AKAP6: variants seen among roughly 807,000 people sequenced by gnomAD.
The protein encoded by AKAP6 is A-kinase anchor protein 6.
In AKAP6, 58 loss-of-function variants were observed where a neutral mutation model predicts 188.5. That is an observed-to-expected ratio of 0.31 (90% CI 0.25 to 0.38). The LOEUF (loss-of-function observed/expected upper bound fraction) is 0.38, where lower values mean the gene tolerates loss of function less well. AKAP6 is among the 10% of genes least tolerant of loss of function. AKAP6 has a pLI of 1.00. For synonymous variants in AKAP6, 989 were observed against 998.6 expected (o/e 0.99, Z 0.18); for missense variants, 2,710 against 2,740.0 (o/e 0.99, Z 0.24).
chr14:32,808,680 C>CT (rs2034149567), intron 12 of AKAP6, among the ~76,000 whole-genome samples: 2 of 152,026 alleles, frequency 1.3e-5, no homozygotes, highest in East Asian at 3.9e-4. Flanking sequence ...GCAATTCTTC[C>CT]GTTTTTTTTC....
At chr14:32,391,008 A>G (rs1032266948) in intron 1 of AKAP6, among the ~76,000 whole-genome samples, 13 of 152,020 alleles carry the variant, frequency 8.6e-5, no homozygotes, top group African/African-American at 2.4e-4. Context: ...GCAGGAAAAT[A>G]TCTTATTTAG....
intron 2 of AKAP6, among the ~76,000 whole-genome samples, chr14:32,510,446 A>ATG (rs1555335169): frequency 4.4e-5 from 1 of 22,680 alleles, no homozygotes; most frequent in Non-Finnish European, 9.7e-5. Context: ...GTGTATATAT[A>ATG]TATACATATA....
chr14:32,785,563 C>T (rs1451906169), intron 12 of AKAP6, among the ~76,000 whole-genome samples: 2 of 151,982 alleles, frequency 1.3e-5, no homozygotes, highest in South Asian at 2.1e-4. Flanking sequence ...AATCCAAAGA[C>T]GAAAATGAAG....
rs544997334 is a variant in AKAP6, at chr14:32,769,037, A to ATTTTT, written c.3373-4618_3373-4614dup. 9.1e-4 allele frequency among the ~76,000 whole-genome samples: 52 copies of ATTTTT among 56,920 alleles called. 12 individuals carry two copies. Among genetic ancestry groups the ATTTTT allele is most frequent in the East Asian group, 7.9e-3 (10 of 1,262 alleles). The allele number at this position is 56,920 out of a possible 152,430, so 37.3% of individuals were successfully genotyped here. ...ACTAGGGGATGCAGCTGCTCTTTTG[A>ATTTTT]TTTTTTTTTTTTTTTTTTTTTTTTT... is the stretch of plus-strand genomic sequence containing the variant. On this transcript the variant is annotated intron_variant, in intron 11 of 13. Transcript: ENST00000280979.
rs1411875771 is a variant in AKAP6 at position 32,546,214 on chromosome 14, G to C, written c.1561G>C (p.Ala521Pro). ...PKRGTGSGKQ[A>P]KNTKSSAVPN... ...ACGGGGGACTGGTTCAGGCAAACAA[G>C]CTAAAAATACAAAGAGCTCAGCAGT... is the stretch of plus-strand genomic sequence containing the variant. The change falls in exon 4 of 14, where the codon GCT becomes CCT. Residue 521 changes from alanine to proline, a missense_variant. Coordinates refer to ENST00000280979, the MANE Select transcript of AKAP6 (RefSeq NM_004274.5). 4.3e-6 allele frequency: 7 copies of C among 1,614,032 alleles called. No homozygotes were observed. The highest frequency in any genetic ancestry group is 5.1e-6 in the Non-Finnish European group (6 of 1,180,026).
Position 32,778,614 on chromosome 14 carries a change from A to G in AKAP6, c.3588+4721A>G, listed in dbSNP as rs555645084. ...CAGGCTACAATGCTATGGCACAATC[A>G]TGGCTCACTGTAGCCTTGACCTCCT... On this transcript the variant is annotated intron_variant, in intron 12 of 13. Transcript: ENST00000280979. Among the ~76,000 whole-genome samples the G allele has an allele frequency of 1.5e-3, 233 of 152,174 alleles. 1 individual carries two copies. Among genetic ancestry groups the G allele is most frequent in the Admixed American group, 5.2e-3 (79 of 15,292 alleles).
intron 2 of AKAP6, among the ~76,000 whole-genome samples, chr14:32,471,050 G>A (rs938478519): frequency 6.6e-6 from 1 of 152,180 alleles, no homozygotes; most frequent in African/African-American, 2.4e-5. Context: ...TTTTGAAAAT[G>A]TAATAAACCA....
chr14:32,767,098 A>G (rs2032742907), intron 11 of AKAP6, among the ~76,000 whole-genome samples: 1 of 152,076 alleles, frequency 6.6e-6, no homozygotes, highest in South Asian at 2.1e-4. Context: ...GAGCTTTTTA[A>G]TTTTACTTAT....
At chr14:32,499,591 G>T (rs1880501376) in intron 2 of AKAP6, among the ~76,000 whole-genome samples, 1 of 151,770 alleles carries the variant, frequency 6.6e-6, no homozygotes, top group Non-Finnish European at 1.5e-5. Flanking sequence ...TGTTATTGTT[G>T]CTCAGAATAG....
At chr14:32,660,924 A>ACCCCCCCCCCCCCCCCC (rs1240351554) in intron 7 of AKAP6, among the ~76,000 whole-genome samples, 6 of 41,066 alleles carry the variant, frequency 1.5e-4, no homozygotes, top group Admixed American at 3.0e-4. Context: ...CTTCCCCGCC[A>ACCCCCCCCCCCCCCCCC]CCCCCCCCCC....
chr14:32,611,628 A>T (rs2139385352), intron 7 of AKAP6, among the ~76,000 whole-genome samples: 1 of 152,312 alleles, frequency 6.6e-6, no homozygotes, highest in South Asian at 2.1e-4. Context: ...GAGAGCCAGG[A>T]TACCATATTA....
intron 2 of AKAP6, among the ~76,000 whole-genome samples, chr14:32,482,007 T>C (rs1479028916): frequency 6.6e-6 from 1 of 152,150 alleles, no homozygotes; most frequent in African/African-American, 2.4e-5. Flanking sequence ...TGAAGGGCCT[T>C]CTTGGTTTCA....
At position 32,809,302 on chromosome 14, in the gene AKAP6, C is replaced by T. The variant is rs530641255; in HGVS notation, c.3589-12100C>T. On this transcript the variant is annotated intron_variant, in intron 12 of 13. Coordinates refer to ENST00000280979, the MANE Select transcript of AKAP6 (RefSeq NM_004274.5). ...TGCATTTAAATGTGGACAGCTGTGG[C>T]GTTTAAGTGTTAAAAAATTTCATTA... 5.9e-5 allele frequency among the ~76,000 whole-genome samples: 9 copies of T among 152,306 alleles called. No homozygotes were observed. In the South Asian group the frequency reaches 1.2e-3, roughly 21 times the overall value.
chr14:32,595,752 G>A (rs1211795308), intron 5 of AKAP6, among the ~76,000 whole-genome samples: 2 of 152,030 alleles, frequency 1.3e-5, no homozygotes, highest in Admixed American at 6.6e-5. Flanking sequence ...ATTGGGCAAG[G>A]CATATCACTG....
chr14:32,685,129 T>C (rs1889854838), intron 8 of AKAP6, among the ~76,000 whole-genome samples: 1 of 151,912 alleles, frequency 6.6e-6, no homozygotes, highest in Non-Finnish European at 1.5e-5. Context: ...CTGGGCATGG[T>C]GGTTTGCATC....
intron 9 of AKAP6, among the ~76,000 whole-genome samples, chr14:32,730,248 A>G (rs949903667): frequency 2.0e-5 from 3 of 152,188 alleles, no homozygotes; most frequent in African/African-American, 7.2e-5. Context: ...TAGCTTTTGT[A>G]TTAGAGTTTG....
At chr14:32,462,430 A>G (rs999556630) in intron 2 of AKAP6, among the ~76,000 whole-genome samples, 2 of 152,176 alleles carry the variant, frequency 1.3e-5, no homozygotes, top group African/African-American at 4.8e-5. Flanking sequence ...AATATTCAAC[A>G]TTCATAAAGA....
intron 1 of AKAP6, among the ~76,000 whole-genome samples, chr14:32,384,287 G>A (rs936673222): frequency 2.0e-5 from 3 of 152,168 alleles, no homozygotes; most frequent in Non-Finnish European, 4.4e-5. Flanking sequence ...GGAGCAATAG[G>A]TAAAGTCTCT....
At position 32,546,436 on chromosome 14, in the gene AKAP6, G is replaced by T. The variant is rs1247036566; in HGVS notation, c.1783G>T (p.Val595Leu). The T allele has an allele frequency of 6.2e-6, 10 of 1,614,120 alleles. No individual in the cohort carries two copies. Among genetic ancestry groups the T allele is most frequent in the Non-Finnish European group, 8.5e-6 (10 of 1,180,034 alleles). The change falls in exon 4 of 14, where the codon GTG becomes TTG. Residue 595 changes from valine to leucine, a missense_variant. Physicochemically the swap from Val to Leu is conservative, Grantham distance 32 (BLOSUM62 1). Around this residue, in one of 2 missense-constraint regions of AKAP6, gnomAD observed 2,473 missense variants for 2,426.1 expected, o/e 1.02. Coordinates refer to ENST00000280979, the MANE Select transcript of AKAP6 (RefSeq NM_004274.5). ...TGGCTCAGACAACATCATGTCTCCG[G>T]TGCCACTTCTTTCAAAACACAAAAG... ...SVGSDNIMSPVPLLSKHKSKK... is the reference protein window; with the variant it reads ...SVGSDNIMSPLPLLSKHKSKK...
Sources: gnomAD v4.1 joint callset for allele counts (sites outside exome capture counted in the v4.1 genomes callset) on GRCh38, gnomAD v4.1.1 for gene constraint, gnomAD v4.1.1 regional missense constraint, MANE v1.5 for transcripts, NCBI Gene and HGNC (gene_info 2026-07-23, HGNC 2026-07-21) for gene names.